The following EPAS1 variants were observed in gnomAD, a reference collection of about 807,000 sequenced individuals.
The protein encoded by EPAS1 is endothelial PAS domain protein 1, also known as endothelial PAS domain-containing protein 1.
A neutral mutation model predicts 87.9 loss-of-function variants in EPAS1; 23 were observed. The ratio of observed to expected loss-of-function variants is 0.26; its 90% CI spans 0.19 to 0.37. The LOEUF (loss-of-function observed/expected upper bound fraction) is 0.37, where lower values mean the gene tolerates loss of function less well. EPAS1 is among the 10% of genes least tolerant of loss of function. The probability of loss-of-function intolerance (pLI) is 1.00; values close to 1 mark genes in which losing one functional copy is unlikely to be tolerated. For missense variants in EPAS1, 1,138 were observed against 1,120.7 expected (o/e 1.02, Z -0.22); for synonymous variants, 508 against 444.3 (o/e 1.14, Z -1.80).
At chr2:46,341,854 C>T (rs1398496445) in intron 1 of EPAS1, among the ~76,000 whole-genome samples, 3 of 152,148 alleles carry the variant, frequency 2.0e-5, no homozygotes, top group Admixed American at 6.5e-5. Flanking sequence ...CAAATGAGAC[C>T]ATTTATTAAA....
At chr2:46,364,589 A>G (rs1240440464) in intron 6 of EPAS1, among the ~76,000 whole-genome samples, 1 of 152,266 alleles carries the variant, frequency 6.6e-6, no homozygotes, top group Admixed American at 6.5e-5. Context: ...TCAGAGTACC[A>G]TATTAAGTCC....
Position 46,356,708 on chromosome 2 carries a change from C to T in EPAS1, c.370-16C>T, listed in dbSNP as rs1314282835. ...ACTGTTAGGAATAATGATGCCTAAC[C>T]TTGTTTTTGAAACAGGTGGAGCTAA... On this transcript the variant is annotated splice_polypyrimidine_tract_variant and intron_variant, in intron 3 of 15. Transcript: ENST00000263734. 5.0e-6 allele frequency: 8 copies of T among 1,600,114 alleles called. No homozygotes were observed. The highest frequency in any genetic ancestry group is 6.9e-6 in the Non-Finnish European group (8 of 1,167,388).
At chr2:46,310,473 C>T (rs564107857) in intron 1 of EPAS1, among the ~76,000 whole-genome samples, 9 of 152,214 alleles carry the variant, frequency 5.9e-5, no homozygotes, top group South Asian at 2.1e-4. Context: ...CAAAGCACTG[C>T]GACCAAGCTG....
At chr2:46,344,441 A>G (rs1291250399) in intron 1 of EPAS1, among the ~76,000 whole-genome samples, 2 of 152,228 alleles carry the variant, frequency 1.3e-5, no homozygotes, top group Non-Finnish European at 2.9e-5. Context: ...TGGAGAGCAC[A>G]AGGGTTAGTA....
intron 1 of EPAS1, among the ~76,000 whole-genome samples, chr2:46,320,616 C>A (rs1290790153): frequency 6.6e-6 from 1 of 152,194 alleles, no homozygotes; most frequent in Non-Finnish European, 1.5e-5. Flanking sequence ...AGAGCTAAAT[C>A]TCCATTTTCA....
At chr2:46,344,841 A>G (rs1229558918) in intron 1 of EPAS1, among the ~76,000 whole-genome samples, 1 of 152,240 alleles carries the variant, frequency 6.6e-6, no homozygotes, top group Non-Finnish European at 1.5e-5. Context: ...TGGACGATTC[A>G]TCCTTTAATC....
chr2:46,346,861 T>C lies in EPAS1; in HGVS notation c.27-12T>C, dbSNP rs567699822. The C allele has an allele frequency of 1.5e-4, 241 of 1,614,128 alleles. 5 individuals carry two copies. In the South Asian group the frequency reaches 2.4e-3, roughly 16 times the overall value. On this transcript the variant is annotated splice_polypyrimidine_tract_variant and intron_variant, in intron 1 of 15. Transcript: ENST00000263734. The surrounding 1 kb of genome is among the most constrained non-coding windows in gnomAD (Gnocchi z 4.0). ...TAACCTTTCCGGGACTAACCCCTTC[T>C]TCTCCACTTAGGAGTAGCTCGGAGA...
chr2:46,366,331 A>G (rs1684501669), intron 6 of EPAS1, among the ~76,000 whole-genome samples: 2 of 152,210 alleles, frequency 1.3e-5, no homozygotes, highest in South Asian at 4.1e-4. Flanking sequence ...AGAGCAATGA[A>G]TCATTCATTT....
rs538174634 is a variant in EPAS1 at position 46,300,453 on chromosome 2, A to T, written c.26+2516A>T. On this transcript the variant is annotated intron_variant, in intron 1 of 15. Transcript: ENST00000263734. This position sits in a 1 kb window ranked among gnomAD's most constrained non-coding sequence, Gnocchi z 4.1. ...CCAGAATGTTCACACGTCGATAAAT[A>T]TGTTAATGTTTAATAATAAAGAGTT... 3.8e-4 allele frequency among the ~76,000 whole-genome samples: 58 copies of T among 152,310 alleles called. No individual in the cohort carries two copies. Among genetic ancestry groups the T allele is most frequent in the African/African-American group, 1.3e-3 (55 of 41,556 alleles).
chr2:46,374,602 C>G (rs1684697780), intron 7 of EPAS1, among the ~76,000 whole-genome samples: 1 of 152,136 alleles, frequency 6.6e-6, no homozygotes, highest in Admixed American at 6.5e-5. Context: ...TTCCTTTCCC[C>G]AAATCCCAAG....
chr2:46,355,366 A>C (rs972387888), intron 2 of EPAS1, among the ~76,000 whole-genome samples: 9 of 152,238 alleles, frequency 5.9e-5, no homozygotes, highest in African/African-American at 2.2e-4. Context: ...ATCTAGGAAT[A>C]GAACCTGTGT....
intron 2 of EPAS1, among the ~76,000 whole-genome samples, chr2:46,348,233 A>G (rs1278283022): frequency 1.3e-5 from 2 of 152,334 alleles, no homozygotes; most frequent in Middle Eastern, 6.8e-3. Context: ...AGACAAGAGC[A>G]GGAGAGCCAA....
intron 1 of EPAS1, among the ~76,000 whole-genome samples, chr2:46,304,581 A>T (rs2104836937): frequency 6.6e-6 from 1 of 152,304 alleles, no homozygotes; most frequent in South Asian, 2.1e-4. Flanking sequence ...AAGATCTGAA[A>T]GGCCAACATG....
intron 2 of EPAS1, among the ~76,000 whole-genome samples, chr2:46,352,032 T>A (rs1376259922): frequency 6.6e-6 from 1 of 152,330 alleles, no homozygotes; most frequent in East Asian, 1.9e-4. Context: ...CCGGGGCTAT[T>A]TTTAGCATTA....
intron 1 of EPAS1, among the ~76,000 whole-genome samples, chr2:46,334,765 G>T (rs951794625): frequency 2.6e-5 from 4 of 152,226 alleles, no homozygotes; most frequent in Non-Finnish European, 5.9e-5. Context: ...TTCCCAAATT[G>T]CTCAATGTTA....
At chr2:46,308,267 G>A (rs2104839592) in intron 1 of EPAS1, among the ~76,000 whole-genome samples, 1 of 152,192 alleles carries the variant, frequency 6.6e-6, no homozygotes, top group South Asian at 2.1e-4. Context: ...CTAAGGGAGC[G>A]TAGAAATTTC....
chr2:46,329,240 G>C (rs186285144), intron 1 of EPAS1, among the ~76,000 whole-genome samples: 22 of 152,310 alleles, frequency 1.4e-4, no homozygotes, highest in Non-Finnish European at 2.9e-4. Context: ...TTCAGGGATT[G>C]TCATCTGGGT....
intron 1 of EPAS1, among the ~76,000 whole-genome samples, chr2:46,299,183 T>C (rs756933942): frequency 6.6e-6 from 1 of 152,256 alleles, no homozygotes; most frequent in Non-Finnish European, 1.5e-5. Context: ...AGAAACCGTG[T>C]ATCCTCCGGT....
At position 46,386,520 on chromosome 2, in the gene EPAS1, T is replaced by C. The variant is rs1460000331; in HGVS notation, c.*1860T>C. On this transcript the variant is annotated 3_prime_UTR_variant, in exon 16 of 16. Coordinates refer to ENST00000263734, the MANE Select transcript of EPAS1 (RefSeq NM_001430.5). Reference sequence around the variant, plus strand: ...TAAGGGCATTTTACCCTTGCAGTTTTACTAAAACACTGAAAAATATTCCAA... The same window carrying C: ...TAAGGGCATTTTACCCTTGCAGTTTCACTAAAACACTGAAAAATATTCCAA... 2 of 152,672 alleles carry C rather than the reference T, an allele frequency of 1.3e-5. No homozygotes were observed. Among genetic ancestry groups the C allele is most frequent in the Non-Finnish European group, 2.9e-5 (2 of 68,046 alleles). The allele number at this position is 152,672 out of a possible 1,614,324, so 9.5% of individuals were successfully genotyped here.
Sources: gnomAD v4.1 joint callset for allele counts (sites outside exome capture counted in the v4.1 genomes callset) on GRCh38, gnomAD v4.1.1 for gene constraint, Gnocchi (gnomAD v3.1) non-coding constraint, MANE v1.5 for transcripts, NCBI Gene and HGNC (gene_info 2026-07-23, HGNC 2026-07-21) for gene names.